ADGRG1: variants seen among roughly 807,000 people sequenced by gnomAD.
The protein encoded by ADGRG1 is adhesion G protein-coupled receptor G1.
A neutral mutation model predicts 73.5 loss-of-function variants in ADGRG1; 53 were observed. The ratio of observed to expected loss-of-function variants is 0.72; its 90% CI spans 0.58 to 0.91. The LOEUF is 0.91. Ranked by LOEUF, ADGRG1 falls within the 40% of genes least tolerant of loss-of-function variation. The pLI is 0.00. For synonymous variants in ADGRG1, 394 were observed against 374.4 expected, an observed-to-expected ratio of 1.05 and a Z score of -0.60; for missense variants, 795 against 871.8, an observed-to-expected ratio of 0.91 and a Z score of 1.11.
chr16:57,656,407 A>T, intron 8 of ADGRG1, 107 bp from the exon 9 acceptor site: 1 of 1,608,922 alleles, frequency 6.2e-7, no homozygotes, highest in Non-Finnish European at 8.5e-7. Context: ...ATGGCAGGCT[A>T]TGAGTAGGCC....
rs796926852 is a variant in ADGRG1 at position 57,628,893 on chromosome 16, A to C, written c.-36+91A>C. 6 of 813,542 alleles carry C rather than the reference A, an allele frequency of 7.4e-6. 1 individual carries two copies. Among genetic ancestry groups the C allele is most frequent in the South Asian group, 5.9e-5 (1 of 16,886 alleles). 50.4% of individuals were successfully genotyped at this position (813,542 alleles called of 1,614,324 possible). On this transcript the variant is annotated intron_variant, in intron 1 of 13. Transcript: ENST00000562631. ...GTGAGCGTGAGTGTGTGAGAGTGTG[A>C]GTGTGTGAGTGTGAGTGTGTGAGAG...
chr16:57,634,066 C>T, intron 1 of ADGRG1: 1 of 985,312 alleles, frequency 1.0e-6, no homozygotes, highest in Non-Finnish European at 1.2e-6. Context: ...ATGGCCCTAG[C>T]CCTGGAGAGG....
rs2047866103 is a variant in ADGRG1 at position 57,664,005 on chromosome 16, G to C, written c.*423G>C. On this transcript the variant is annotated 3_prime_UTR_variant, in exon 14 of 14. Coordinates refer to ENST00000562631, the MANE Select transcript of ADGRG1 (RefSeq NM_201525.4). ...TGGCTCCAGTTGCTCTGTCTCTCGT[G>C]GTCACCCTGAGGGCACTCTGCATCC... The C allele has an allele frequency of 3.8e-6, 1 of 262,376 alleles. No individual in the cohort carries two copies. 16.3% of individuals were successfully genotyped at this position (262,376 alleles called of 1,614,324 possible).
At chr16:57,636,078 G>T (rs1018546975) in intron 1 of ADGRG1, 2 of 985,238 alleles carry the variant, frequency 2.0e-6, no homozygotes, top group Non-Finnish European at 2.4e-6. Context: ...CTCCTTGCTT[G>T]ACCTTGGAGA....
chr16:57,648,187 C>T (rs565930318), intron 1 of ADGRG1, among the ~76,000 whole-genome samples: 207 of 152,166 alleles, frequency 1.4e-3, no homozygotes, highest in African/African-American at 4.7e-3. Context: ...GGCATTTGAA[C>T]TGACAATCAG....
chr16:57,648,863 A>C, intron 1 of ADGRG1: 1 of 245,322 alleles, frequency 4.1e-6, no homozygotes, highest in Non-Finnish European at 6.5e-6. Flanking sequence ...CCTGCCAGGC[A>C]CTATAGTCCT....
At chr16:57,643,812 G>C in intron 1 of ADGRG1, 1 of 984,654 alleles carries the variant, frequency 1.0e-6, no homozygotes, top group Non-Finnish European at 1.2e-6. Context: ...AGTGGGAATG[G>C]GGGAGGGGAG....
chr16:57,655,991 C>T lies in ADGRG1; in HGVS notation c.1016C>T (p.Pro339Leu), dbSNP rs575505827. 1.9e-5 allele frequency: 30 copies of T among 1,613,966 alleles called. No homozygotes were observed. The highest frequency in any genetic ancestry group is 1.8e-4 in the South Asian group (16 of 91,080). ...CTCACTTTCCAGCACCAGCTACAGCCGGTGAGTGGGGGCCAGCCATCAAGA... is the reference window on the plus strand; with the variant it reads ...CTCACTTTCCAGCACCAGCTACAGCTGGTGAGTGGGGGCCAGCCATCAAGA... The part of the protein sequence containing the change: ...VVLTFQHQLQ[P>L]KNVTLQCVFW... Residue 339 changes from proline (P) to leucine (L), a missense_variant and splice_region_variant, in exon 7 of 14, where the codon CCG becomes CTG. Coordinates refer to ENST00000562631, the MANE Select transcript of ADGRG1 (RefSeq NM_201525.4).
In ADGRG1 at chr16:57,644,189, C is replaced by T. The variant is rs1406455032; in HGVS notation, c.-35-6064C>T. On this transcript the variant is annotated intron_variant, in intron 1 of 13. Transcript: ENST00000562631. ...CCTTCTCTTGCTTTCTCCTCCTGGC[C>T]CCATGCATCCCTGTGTATGCACGGG... 4.1e-6 allele frequency: 4 copies of T among 985,172 alleles called. No homozygotes were observed. The African/African-American group carries it at 7.0e-5, about 17-fold the overall frequency. 61.0% of individuals were successfully genotyped at this position (985,172 alleles called of 1,614,324 possible).
intron 12 of ADGRG1, chr16:57,661,270 G>A (rs984643086): frequency 6.1e-5 from 60 of 985,068 alleles, no homozygotes; most frequent in Middle Eastern, 5.2e-4. Flanking sequence ...TGTGCTGTTC[G>A]GAGGCAGAGG....
intron 1 of ADGRG1, chr16:57,635,140 T>TTATC (rs1325301469): frequency 2.0e-6 from 2 of 985,116 alleles, no homozygotes; most frequent in Admixed American, 1.2e-4. Flanking sequence ...TTGCTCTCCC[T>TTATC]TATCCAACAG....
chr16:57,649,619 G>C (rs1187278460), intron 1 of ADGRG1, among the ~76,000 whole-genome samples: 2 of 152,086 alleles, frequency 1.3e-5, no homozygotes, highest in Non-Finnish European at 2.9e-5. Context: ...GTTCCAGGTA[G>C]AACCCTCATG....
In ADGRG1 at chr16:57,657,551, GGGCGCCGCACACATCTCCGGTCAT is replaced by G. The variant is rs2148478943; in HGVS notation, c.1286+64_1286+87del. 3 of 1,257,724 alleles carry G rather than the reference GGGCGCCGCACACATCTCCGGTCAT, an allele frequency of 2.4e-6. No homozygotes were observed. In the East Asian group the frequency reaches 6.9e-5, roughly 29 times the overall value. 77.9% of individuals were successfully genotyped at this position (1,257,724 alleles called of 1,614,324 possible). A position where few individuals can be genotyped will look rare whatever the true frequency, so the allele number is the denominator to read the frequency against. On this transcript the variant is annotated intron_variant, in intron 10 of 13. Transcript: ENST00000562631. ...CCCTCCATTGCACACACCTCCACCA[GGGCGCCGCACACATCTCCGGTCAT>G]GGCCCGCCCGCATGACCTGGAACTG...
chr16:57,642,237 T>A, intron 1 of ADGRG1: 1 of 985,372 alleles, frequency 1.0e-6, no homozygotes, highest in Non-Finnish European at 1.2e-6. Flanking sequence ...AGTGCCCTTT[T>A]CCCCACGAGC....
In ADGRG1 at chr16:57,663,067, C is replaced by T. The variant is rs114198759; in HGVS notation, c.1934-385C>T. 3,316 of 985,234 alleles carry T rather than the reference C, an allele frequency of 3.4e-3. 93 individuals are homozygous for T. In the African/African-American group the frequency reaches 0.055, roughly 16 times the overall value. The allele number at this position is 985,234 out of a possible 1,614,324, so 61.0% of individuals were successfully genotyped here. On this transcript the variant is annotated intron_variant, in intron 13 of 13. Coordinates refer to ENST00000562631, the MANE Select transcript of ADGRG1 (RefSeq NM_201525.4). ...GACATTTACTAAGCTGTGGATACAT[C>T]ATAGTGCTATTAATTTGAGGGGTGC... is the stretch of plus-strand genomic sequence containing the variant.
In ADGRG1 at chr16:57,628,748, C is replaced by T. The variant is rs2036432089; in HGVS notation, c.-90C>T. 3 of 985,538 alleles carry T rather than the reference C, an allele frequency of 3.0e-6. No individual in the cohort carries two copies. The highest frequency in any genetic ancestry group is 3.6e-6 in the Non-Finnish European group (3 of 829,980). 61.0% of individuals were successfully genotyped at this position (985,538 alleles called of 1,614,324 possible). ...GCAGGTTAAGCCTCTGGGGGTGGAT[C>T]CTGAAAGGTGGTCCAGCCGCCTGGC... On this transcript the variant is annotated 5_prime_UTR_variant, in exon 1 of 14. Transcript: ENST00000562631.
intron 1 of ADGRG1, chr16:57,648,330 A>G (rs2043186434): frequency 5.1e-6 from 2 of 390,564 alleles, no homozygotes; most frequent in South Asian, 2.1e-4. Flanking sequence ...AAAGGAATCA[A>G]AATGCTTACA....
At chr16:57,661,177 G>A in intron 12 of ADGRG1, 2 of 550,332 alleles carry the variant, frequency 3.6e-6, no homozygotes, top group Non-Finnish European at 4.6e-6. Context: ...TTCCTCAGCA[G>A]CACCTCTCTG....
chr16:57,655,814 G>A lies in ADGRG1; in HGVS notation c.901-62G>A, dbSNP rs2045571356. 5 of 1,613,542 alleles carry A rather than the reference G, an allele frequency of 3.1e-6. No homozygotes were observed. The South Asian group carries it at 5.5e-5, about 18-fold the overall frequency. On this transcript the variant is annotated intron_variant, in intron 6 of 13. Coordinates refer to ENST00000562631, the MANE Select transcript of ADGRG1 (RefSeq NM_201525.4). Reference sequence around the variant, plus strand: ...TATCTAGAGAGGGTAAGGGGCTTCTGGGCCCTTCTTCTCAGTCCTGAACTC... The same window carrying A: ...TATCTAGAGAGGGTAAGGGGCTTCTAGGCCCTTCTTCTCAGTCCTGAACTC...
Sources: gnomAD v4.1 joint callset for allele counts (sites outside exome capture counted in the v4.1 genomes callset) on GRCh38, gnomAD v4.1.1 for gene constraint, MANE v1.5 for transcripts, NCBI Gene and HGNC (gene_info 2026-07-23, HGNC 2026-07-21) for gene names.